EPM2A: variants seen among roughly 807,000 people sequenced by gnomAD.
EPM2A encodes EPM2A glucan phosphatase, laforin.
In EPM2A, 21 loss-of-function variants were observed where a neutral mutation model predicts 26.5. The ratio of observed to expected loss-of-function variants is 0.79; its 90% CI spans 0.56 to 1.14. The LOEUF (loss-of-function observed/expected upper bound fraction) is 1.14, where lower values mean the gene tolerates loss of function less well. EPM2A is among the 50% of genes most tolerant of loss of function. The probability of loss-of-function intolerance (pLI) is 0.00; values close to 1 mark genes in which losing one functional copy is unlikely to be tolerated. For synonymous variants in EPM2A, 217 were observed against 177.6 expected (o/e 1.22, Z -1.76); for missense variants, 458 against 440.8 (o/e 1.04, Z -0.35).
intron 4 of EPM2A, among the ~76,000 whole-genome samples, chr6:145,389,866 C>T (rs766252787): frequency 1.3e-5 from 2 of 152,154 alleles, no homozygotes; most frequent in Non-Finnish European, 2.9e-5. Context: ...TCTTTATCAA[C>T]TGGGCACTGA....
intron 4 of EPM2A, among the ~76,000 whole-genome samples, chr6:145,441,725 G>A (rs1213191713): frequency 1.3e-5 from 2 of 152,022 alleles, no homozygotes; most frequent in Non-Finnish European, 2.9e-5. Flanking sequence ...AGCTGGGCAT[G>A]GTGGTGCATG....
At chr6:145,492,654 G>A (rs576634037) in intron 4 of EPM2A, among the ~76,000 whole-genome samples, 2 of 152,206 alleles carry the variant, frequency 1.3e-5, no homozygotes, top group Non-Finnish European at 2.9e-5. Context: ...AAGGTGAAGT[G>A]AAAAGGGAAT....
At chr6:145,637,419 G>A (rs1776767499) in intron 2 of EPM2A, 2 of 151,546 alleles carry the variant, frequency 1.3e-5, no homozygotes, top group Non-Finnish European at 2.9e-5. Flanking sequence ...CATAAGATCT[G>A]GCACTATCTG....
intron 4 of EPM2A, among the ~76,000 whole-genome samples, chr6:145,488,903 G>A (rs1482868781): frequency 6.6e-6 from 1 of 152,088 alleles, no homozygotes; most frequent in Non-Finnish European, 1.5e-5. Context: ...CCGAACTTAA[G>A]CGAAAAATAA....
At position 145,682,595 on chromosome 6, in the gene EPM2A, G is replaced by C. The variant is rs1186925419; in HGVS notation, c.476+3527C>G. The C allele has an allele frequency of 3.3e-5, 5 of 152,252 alleles. No homozygotes were observed. In the East Asian group the frequency reaches 9.6e-4, roughly 29 times the overall value. 9.4% of individuals were successfully genotyped at this position (152,252 alleles called of 1,614,324 possible). A position where few individuals can be genotyped will look rare whatever the true frequency, so the allele number is the denominator to read the frequency against. On this transcript the variant is annotated intron_variant, in intron 2 of 3. Transcript: ENST00000367519. ...TGTTTACATGTTGTCTTCCACTACA[G>C]CATAAGTTCCATGAGAGCAAGGATC... is the stretch of plus-strand genomic sequence containing the variant.
chr6:145,538,287 T>C (rs956360683), intron 2 of EPM2A, among the ~76,000 whole-genome samples: 3 of 152,062 alleles, frequency 2.0e-5, no homozygotes, highest in African/African-American at 7.2e-5. Context: ...TTTGAGTTCA[T>C]GCACTGTGGG....
intron 4 of EPM2A, among the ~76,000 whole-genome samples, chr6:145,401,362 C>G (rs768115766): frequency 6.6e-6 from 1 of 152,060 alleles, no homozygotes; most frequent in Non-Finnish European, 1.5e-5. Context: ...AGGTCTGGTG[C>G]CTAGAATGGC....
rs1775784629 is a variant in EPM2A, at chr6:145,625,988, A to G, written c.*1428T>C. 3 of 1,164,758 alleles carry G rather than the reference A, an allele frequency of 2.6e-6. No homozygotes were observed. Among genetic ancestry groups the G allele is most frequent in the Middle Eastern group, 2.2e-4 (1 of 4,472 alleles). The allele number at this position is 1,164,758 out of a possible 1,614,324, so 72.2% of individuals were successfully genotyped here. The stretch of plus-strand genomic sequence containing the variant: ...ATCTATTTATTCATCATGTGACAAT[A>G]GACAGTTGAGTTAACCCTTCTGACC... On this transcript the variant is annotated 3_prime_UTR_variant, in exon 4 of 4. Transcript: ENST00000367519.
At chr6:145,541,166 A>AAT (rs1450922451) in intron 2 of EPM2A, among the ~76,000 whole-genome samples, 12 of 97,016 alleles carry the variant, frequency 1.2e-4, no homozygotes, top group African/African-American at 2.6e-4. Context: ...ACTATTTGGG[A>AAT]ATATATATAT....
intron 4 of EPM2A, among the ~76,000 whole-genome samples, chr6:145,389,321 T>G (rs1167146078): frequency 6.6e-6 from 1 of 151,788 alleles, no homozygotes; most frequent in Non-Finnish European, 1.5e-5. Context: ...ACCTAAGTAG[T>G]TGGGATTACA....
chr6:145,692,216 G>C (rs935477058), intron 1 of EPM2A, among the ~76,000 whole-genome samples: 1 of 151,912 alleles, frequency 6.6e-6, no homozygotes, highest in African/African-American at 2.4e-5. Flanking sequence ...GGTTAAATAC[G>C]TAAAGCAAAA....
intron 4 of EPM2A, among the ~76,000 whole-genome samples, chr6:145,407,028 G>A (rs1040962286): frequency 2.0e-5 from 3 of 152,104 alleles, no homozygotes; most frequent in Non-Finnish European, 2.9e-5. Flanking sequence ...GGAAATGCAG[G>A]ATCGTGCCTC....
At chr6:145,665,391 C>T (rs1207306307) in intron 2 of EPM2A, among the ~76,000 whole-genome samples, 26 of 88,010 alleles carry the variant, frequency 3.0e-4, no homozygotes, top group East Asian at 8.3e-4. Context: ...AACACCTCTA[C>T]GCAAATAAAC....
chr6:145,467,146 T>TA (rs974385630), intron 4 of EPM2A, among the ~76,000 whole-genome samples: 5 of 151,990 alleles, frequency 3.3e-5, no homozygotes, highest in Admixed American at 2.6e-4. Context: ...AGTATAATAA[T>TA]AATAAATAAA....
chr6:145,447,785 C>T (rs558332428), intron 4 of EPM2A, among the ~76,000 whole-genome samples: 48 of 151,998 alleles, frequency 3.2e-4, no homozygotes, highest in Non-Finnish European at 6.6e-4. Flanking sequence ...TTATGCATAA[C>T]TCTTGATTGA....
chr6:145,624,810 T>G (rs1191442228), downstream of EPM2A, among the ~76,000 whole-genome samples: 1 of 152,234 alleles, frequency 6.6e-6, no homozygotes, highest in African/African-American at 2.4e-5. Context: ...TTCATCATTA[T>G]TTCTTACACC....
Position 145,586,811 on chromosome 6 carries a change from C to CA in EPM2A, c.340+48433dup, listed in dbSNP as rs199757113. ...GATAATTGTAGATATGTCTTCAACCCAAAAAAATGCATTCTGCTTACTCTA... is the reference window on the plus strand; with the variant it reads ...GATAATTGTAGATATGTCTTCAACCCAAAAAAAATGCATTCTGCTTACTCTA... On this transcript the variant is annotated intron_variant, in intron 2 of 3. Transcript: ENST00000450221. Among the ~76,000 whole-genome samples, 282 of 152,038 alleles carry CA rather than the reference C, an allele frequency of 1.9e-3. 1 individual carries two copies. The highest frequency in any genetic ancestry group is 6.5e-3 in the African/African-American group (270 of 41,494).
chr6:145,521,264 G>T (rs559514887), intron 2 of EPM2A, among the ~76,000 whole-genome samples: 63 of 152,206 alleles, frequency 4.1e-4, no homozygotes, highest in African/African-American at 1.5e-3. Flanking sequence ...TAAAAGGCAA[G>T]TTCATCTCCT....
intron 2 of EPM2A, among the ~76,000 whole-genome samples, chr6:145,567,527 T>C (rs556142227): frequency 3.5e-4 from 53 of 152,334 alleles, no homozygotes; most frequent in African/African-American, 1.3e-3. Context: ...TTGGTTCTTA[T>C]TGACACAGTC....
Sources: gnomAD v4.1 joint callset for allele counts (sites outside exome capture counted in the v4.1 genomes callset) on GRCh38, gnomAD v4.1.1 for gene constraint, MANE v1.5 for transcripts, NCBI Gene and HGNC (gene_info 2026-07-23, HGNC 2026-07-21) for gene names.